The following XKR9 variants were observed in gnomAD, a reference collection of about 807,000 sequenced individuals.
XKR9 encodes XK-related protein 9.
A neutral mutation model predicts 32.0 loss-of-function variants in XKR9; 32 were observed. The observed-to-expected ratio is 1.00, with a 90% CI of 0.76 to 1.34. The LOEUF (loss-of-function observed/expected upper bound fraction) is 1.34, where lower values mean the gene tolerates loss of function less well. Among genes scored for constraint, XKR9 ranks in the 40% most tolerant of loss-of-function variants. The pLI, the probability that XKR9 is intolerant of heterozygous loss-of-function variation, is 0.00. For missense variants in XKR9, 546 were observed against 429.7 expected (o/e 1.27, Z -2.39); for synonymous variants, 168 against 143.4 (o/e 1.17, Z -1.22).
intron 2 of XKR9, among the ~76,000 whole-genome samples, chr8:70,752,017 A>G (rs1244726164): frequency 6.6e-6 from 1 of 152,198 alleles, no homozygotes; most frequent in Non-Finnish European, 1.5e-5. Context: ...CATTTGTGTA[A>G]GCCAATTCCT....
the XKR9 span, among the ~76,000 whole-genome samples, chr8:70,879,133 A>G: frequency 6.6e-6 from 1 of 152,186 alleles, no homozygotes; most frequent in South Asian, 2.1e-4. Context: ...ACATACCAGA[A>G]TCTCTGGGGA....
chr8:70,882,635 T>G, the XKR9 span, among the ~76,000 whole-genome samples: 1 of 152,080 alleles, frequency 6.6e-6, no homozygotes, highest in Admixed American at 6.6e-5. Context: ...TTTGGAAAAC[T>G]GCGTAGAAGG....
At chr8:70,989,854 A>C in the XKR9 span, among the ~76,000 whole-genome samples, 1 of 152,162 alleles carries the variant, frequency 6.6e-6, no homozygotes, top group Admixed American at 6.5e-5. Context: ...CCACTCTCTC[A>C]TCCCCTAATA....
the XKR9 span, among the ~76,000 whole-genome samples, chr8:70,991,741 T>C: frequency 6.6e-6 from 1 of 152,200 alleles, no homozygotes; most frequent in Non-Finnish European, 1.5e-5. Flanking sequence ...TTCTGTCAAA[T>C]ACTAGAAGAC....
the XKR9 span, among the ~76,000 whole-genome samples, chr8:70,895,855 G>A: frequency 6.6e-6 from 1 of 151,260 alleles, no homozygotes; most frequent in Non-Finnish European, 1.5e-5. Context: ...AAAATTAGCC[G>A]GGTGTGATGG....
intron 3 of XKR9, among the ~76,000 whole-genome samples, chr8:70,687,312 C>T (rs903489858): frequency 1.7e-4 from 23 of 138,356 alleles, no homozygotes; most frequent in South Asian, 1.2e-3. Flanking sequence ...TCTCTCCTCC[C>T]TCTTTCTTTC....
chr8:71,031,758 G>A, the XKR9 span, among the ~76,000 whole-genome samples: 2 of 151,914 alleles, frequency 1.3e-5, no homozygotes, highest in African/African-American at 2.4e-5. Flanking sequence ...AATAAAAATA[G>A]ATATTATAAA....
At chr8:70,731,267 C>G (rs975245222) in intron 4 of XKR9, among the ~76,000 whole-genome samples, 6 of 151,942 alleles carry the variant, frequency 3.9e-5, no homozygotes, top group Non-Finnish European at 5.9e-5. Context: ...CATACACACA[C>G]AGAGAAAGAG....
At chr8:70,709,413 A>G (rs1805831318) in intron 4 of XKR9, among the ~76,000 whole-genome samples, 1 of 152,210 alleles carries the variant, frequency 6.6e-6, no homozygotes, top group Non-Finnish European at 1.5e-5. Flanking sequence ...GCCCATTCTC[A>G]CCACTCCTGC....
chr8:71,012,992 C>A, the XKR9 span, among the ~76,000 whole-genome samples: 5 of 152,162 alleles, frequency 3.3e-5, no homozygotes, highest in Non-Finnish European at 7.3e-5. Context: ...TTATTCTAGT[C>A]TCTGCTTGTG....
At chr8:70,685,833 A>C (rs916366966) in intron 3 of XKR9, among the ~76,000 whole-genome samples, 186 of 151,826 alleles carry the variant, frequency 1.2e-3, no homozygotes, top group African/African-American at 4.3e-3. Flanking sequence ...ATGTATACAT[A>C]TGTAACTAAC....
intron 2 of XKR9, among the ~76,000 whole-genome samples, chr8:70,749,454 C>A (rs1018522347): frequency 1.3e-5 from 2 of 151,908 alleles, no homozygotes; most frequent in Non-Finnish European, 2.9e-5. Context: ...ACCAAATTCC[C>A]TTTGTCTAGA....
chr8:71,018,579 A>T, the XKR9 span, among the ~76,000 whole-genome samples: 9 of 152,180 alleles, frequency 5.9e-5, no homozygotes, highest in African/African-American at 2.2e-4. Context: ...TCTTAAAGGT[A>T]GAGATTATGG....
chr8:71,032,496 G>T, the XKR9 span, among the ~76,000 whole-genome samples: 2 of 152,042 alleles, frequency 1.3e-5, no homozygotes, highest in Non-Finnish European at 2.9e-5. Context: ...CAAACAGAAG[G>T]AAAAGGAAAA....
At chr8:70,864,467 C>A in the XKR9 span, among the ~76,000 whole-genome samples, 1 of 152,152 alleles carries the variant, frequency 6.6e-6, no homozygotes, top group African/African-American at 2.4e-5. Flanking sequence ...CCCTGCCTAC[C>A]TTTTTCTTTC....
chr8:70,940,215 C>G, the XKR9 span, among the ~76,000 whole-genome samples: 37 of 152,012 alleles, frequency 2.4e-4, no homozygotes, highest in Non-Finnish European at 1.5e-4. Context: ...AGACTTCTTT[C>G]TCTCTCCAGG....
the XKR9 span, among the ~76,000 whole-genome samples, chr8:70,989,261 A>C: frequency 6.6e-6 from 1 of 152,204 alleles, no homozygotes; most frequent in African/African-American, 2.4e-5. Context: ...TATTTGCAAA[A>C]ATTTTATGGT....
the XKR9 span, among the ~76,000 whole-genome samples, chr8:70,942,794 C>T: frequency 3.9e-5 from 6 of 151,988 alleles, no homozygotes; most frequent in Non-Finnish European, 7.4e-5. Flanking sequence ...GCATACTGCC[C>T]GGCACAAAAT....
the XKR9 span, among the ~76,000 whole-genome samples, chr8:71,010,252 T>C: frequency 7.9e-5 from 12 of 152,334 alleles, no homozygotes; most frequent in East Asian, 1.5e-3. Flanking sequence ...TTCCCCTGAA[T>C]AAGGCCAAGG....
Sources: gnomAD v4.1 joint callset for allele counts (sites outside exome capture counted in the v4.1 genomes callset) on GRCh38, gnomAD v4.1.1 for gene constraint, MANE v1.5 for transcripts, NCBI Gene and HGNC (gene_info 2026-07-23, HGNC 2026-07-21) for gene names.